The following ISY1 variants were observed in gnomAD, a reference collection of about 807,000 sequenced individuals.
ISY1 encodes pre-mRNA-splicing factor ISY1 homolog.
ISY1 carries 12 observed loss-of-function variants against 54.4 expected under a neutral mutation model. The observed-to-expected ratio is 0.22, with a 90% CI of 0.14 to 0.36. The LOEUF (loss-of-function observed/expected upper bound fraction) is 0.36, where lower values mean the gene tolerates loss of function less well. ISY1 is among the 10% of genes least tolerant of loss of function. The pLI, the probability that ISY1 is intolerant of heterozygous loss-of-function variation, is 1.00. For missense variants in ISY1, 282 were observed against 342.2 expected, an observed-to-expected ratio of 0.82 and a Z score of 1.39; for synonymous variants, 96 against 117.9, an observed-to-expected ratio of 0.81 and a Z score of 1.20.
chr3:129,134,288 T>C (rs1936327040), intron 8 of ISY1, 93 bp from the exon 9 acceptor site: 1 of 1,579,336 alleles, frequency 6.3e-7, no homozygotes, highest in South Asian at 1.2e-5. Context: ...AGGGAAAGTC[T>C]AGACATCCCC....
intron 5 of ISY1, among the ~76,000 whole-genome samples, chr3:129,146,190 T>G (rs1936760902): frequency 6.6e-6 from 1 of 151,972 alleles, no homozygotes; most frequent in African/African-American, 2.4e-5. Context: ...AACAAGCTCT[T>G]AAGAGAGATG....
intron 5 of ISY1, among the ~76,000 whole-genome samples, chr3:129,146,554 C>A (rs1936768965): frequency 6.6e-6 from 1 of 152,104 alleles, no homozygotes; most frequent in South Asian, 2.1e-4. Context: ...ATGACAACAG[C>A]AAGTCCAGAA....
intron 7 of ISY1, among the ~76,000 whole-genome samples, chr3:129,136,874 C>CT (rs1402406086): frequency 7.6e-4 from 94 of 123,820 alleles, no homozygotes; most frequent in Admixed American, 2.3e-3. Flanking sequence ...TTTTCTTCTT[C>CT]TTTTTTTTTT....
At chr3:129,139,672 C>T (rs373768530) in intron 7 of ISY1, among the ~76,000 whole-genome samples, 1 of 150,920 alleles carries the variant, frequency 6.6e-6, no homozygotes, top group African/African-American at 2.4e-5. Context: ...GATGGAGTTT[C>T]GCTCTTGCTG....
Position 129,130,404 on chromosome 3 carries a change from C to A in ISY1, c.750+146G>T, listed in dbSNP as rs1936203627. ...GTCCTGCCCTTTTTGGACCCCACAC[C>A]CTGAACACAATGACAGGTGTCATGT... On this transcript the variant is annotated intron_variant, in intron 10 of 10. Coordinates refer to ENST00000393295, the MANE Select transcript of ISY1 (RefSeq NM_020701.4). 2.5e-6 allele frequency: 3 copies of A among 1,195,766 alleles called. No homozygotes were observed. The Admixed American group carries it at 8.5e-5, about 34-fold the overall frequency. The allele number at this position is 1,195,766 out of a possible 1,614,324, so 74.1% of individuals were successfully genotyped here.
intron 5 of ISY1, among the ~76,000 whole-genome samples, chr3:129,151,556 G>A (rs1258349567): frequency 1.3e-5 from 2 of 151,900 alleles, no homozygotes; most frequent in African/African-American, 4.8e-5. Flanking sequence ...TTGAACCCAG[G>A]GGACAGAGGT....
chr3:129,144,239 G>A (rs1479656341), intron 6 of ISY1: 3 of 347,850 alleles, frequency 8.6e-6, no homozygotes, highest in Non-Finnish European at 1.7e-5. Context: ...ATAAAAAACA[G>A]CAAAAATAAA....
In ISY1 at chr3:129,157,716, C is replaced by CAA. The variant is rs1265760940; in HGVS notation, c.78+790_78+791dup. Among the ~76,000 whole-genome samples, 292 of 43,692 alleles carry CAA rather than the reference C, an allele frequency of 6.7e-3. 4 individuals carry two copies. The highest frequency in any genetic ancestry group is 0.018 in the Middle Eastern group (2 of 110). 28.7% of individuals were successfully genotyped at this position (43,692 alleles called of 152,430 possible). On this transcript the variant is annotated intron_variant, in intron 3 of 10. Transcript: ENST00000393295. ...AGCCTGAGCGACAGAGCGTCCATCTCAAAAAAAAAAAAAAAAAAAAAAGGG... is the reference window on the plus strand; with the variant it reads ...AGCCTGAGCGACAGAGCGTCCATCTCAAAAAAAAAAAAAAAAAAAAAAAAGGG...
At chr3:129,156,579 A>C in intron 5 of ISY1, 54 bp downstream of exon 5, 1 of 1,577,572 alleles carries the variant, frequency 6.3e-7, no homozygotes, top group Non-Finnish European at 8.6e-7. Context: ...TGAAGTCCTC[A>C]AGTCTAATTG....
chr3:129,156,570 G>A (rs1347349760), intron 5 of ISY1, 63 bp downstream of exon 5: 2 of 1,527,506 alleles, frequency 1.3e-6, no homozygotes, highest in African/African-American at 2.8e-5. Context: ...AAGGAGTATT[G>A]AAGTCCTCAA....
intron 7 of ISY1, among the ~76,000 whole-genome samples, chr3:129,138,519 C>T (rs1481784792): frequency 6.6e-6 from 1 of 152,056 alleles, no homozygotes; most frequent in African/African-American, 2.4e-5. Context: ...TGGCAGATGC[C>T]TGTAGTCCCA....
rs369033359 is a variant in ISY1, at chr3:129,152,435, G to A, written c.187+4198C>T. Among the ~76,000 whole-genome samples, 24 of 150,624 alleles carry A rather than the reference G, an allele frequency of 1.6e-4. 2 individuals are homozygous for A. The highest frequency in any genetic ancestry group is 6.0e-4 in the Admixed American group (9 of 15,116). On this transcript the variant is annotated intron_variant, in intron 5 of 10. Coordinates refer to ENST00000393295, the MANE Select transcript of ISY1 (RefSeq NM_020701.4). ...GTTTTTTTTTTTGAGACGGAGTCTC[G>A]CTCTGTCGCCCAGGCTGGAGTGCAG...
At chr3:129,130,766 A>AT (rs1936216677) in intron 9 of ISY1, 130 bp from the exon 10 acceptor site, 3 of 966,548 alleles carry the variant, frequency 3.1e-6, no homozygotes, top group Non-Finnish European at 4.5e-6. Flanking sequence ...ACTTATAGAA[A>AT]GACACTTGAC....
At chr3:129,158,840 C>T (rs2107622197) in intron 2 of ISY1, among the ~76,000 whole-genome samples, 1 of 152,266 alleles carries the variant, frequency 6.6e-6, no homozygotes, top group Non-Finnish European at 1.5e-5. Flanking sequence ...CTGTGATAAG[C>T]AATACATCCA....
At chr3:129,157,555 C>T (rs1051424445) in intron 3 of ISY1, among the ~76,000 whole-genome samples, 18 of 151,898 alleles carry the variant, frequency 1.2e-4, no homozygotes, top group African/African-American at 3.9e-4. Flanking sequence ...CCCATCTCTA[C>T]TAAAAATACA....
intron 9 of ISY1, among the ~76,000 whole-genome samples, chr3:129,132,079 C>T (rs1936252783): frequency 6.6e-6 from 1 of 152,114 alleles, no homozygotes; most frequent in South Asian, 2.1e-4. Flanking sequence ...ATCCTCCCAC[C>T]TCAGCCTCCC....
At chr3:129,143,643 T>C (rs1489831794) in intron 6 of ISY1, among the ~76,000 whole-genome samples, 1 of 151,346 alleles carries the variant, frequency 6.6e-6, no homozygotes, top group East Asian at 1.9e-4. Context: ...ATTTCTATAA[T>C]GTATATACTA....
In ISY1 at chr3:129,134,093, T is replaced by C. The variant is rs369012886; in HGVS notation, c.644A>G (p.Tyr215Cys). ...CAATACCTCCTCCTCGGTGACTGCA[T>C]AGATGTTGATCTCTTCCTCCTCTTC... ...EEEEEEEINI[Y>C]AVTEEESDEE... is the part of the protein sequence containing the mutation. Residue 215 changes from tyrosine (Y) to cysteine (C), a missense_variant, in exon 9 of 11, where the codon TAT becomes TGT. Around this residue, in one of 2 missense-constraint regions of ISY1, gnomAD observed 279 missense variants for 323.6 expected, o/e 0.86. Transcript: ENST00000393295. The C allele has an allele frequency of 9.9e-6, 16 of 1,614,206 alleles. No homozygotes were observed. Among genetic ancestry groups the C allele is most frequent in the East Asian group, 2.2e-5 (1 of 44,884 alleles).
chr3:129,136,402 A>C (rs1936401938), intron 7 of ISY1, among the ~76,000 whole-genome samples: 1 of 152,038 alleles, frequency 6.6e-6, no homozygotes, highest in South Asian at 2.1e-4. Context: ...GCACCCGGCT[A>C]AGTAATTATT....
Sources: gnomAD v4.1 joint callset for allele counts (sites outside exome capture counted in the v4.1 genomes callset) on GRCh38, gnomAD v4.1.1 for gene constraint, gnomAD v4.1.1 regional missense constraint, MANE v1.5 for transcripts, NCBI Gene and HGNC (gene_info 2026-07-23, HGNC 2026-07-21) for gene names.